Variants in EYS observed in about 807,000 individuals in gnomAD.
EYS encodes EGF-like photoreceptor maintenance factor, also known as protein eyes shut homolog.
A neutral mutation model predicts 282.1 loss-of-function variants in EYS; 250 were observed. The observed-to-expected ratio is 0.89, with a 90% CI of 0.80 to 0.98. The LOEUF is 0.98. Ranked by LOEUF, EYS falls within the 50% of genes least tolerant of loss-of-function variation. The probability of loss-of-function intolerance (pLI) is 0.00; values close to 1 mark genes in which losing one functional copy is unlikely to be tolerated. For missense variants in EYS, 4,016 were observed against 3,709.0 expected (o/e 1.08, Z -2.15); for synonymous variants, 1,355 against 1,282.9 (o/e 1.06, Z -1.20).
At chr6:64,061,889 C>T (rs1369085088) in intron 33 of EYS, among the ~76,000 whole-genome samples, 1 of 151,272 alleles carries the variant, frequency 6.6e-6, no homozygotes, top group Non-Finnish European at 1.5e-5. Flanking sequence ...ATTTGGGTGG[C>T]TGAGGCAGGA....
At chr6:65,408,620 T>C (rs1766854301) in intron 5 of EYS, among the ~76,000 whole-genome samples, 1 of 152,142 alleles carries the variant, frequency 6.6e-6, no homozygotes, top group South Asian at 2.1e-4. Flanking sequence ...TTGTATTTTT[T>C]CCTTGTTCAT....
chr6:64,960,885 T>C lies in EYS; in HGVS notation c.2260-14971A>G, dbSNP rs887623619. Among the ~76,000 whole-genome samples the C allele has an allele frequency of 6.2e-4, 94 of 152,250 alleles. 1 individual carries two copies. Among genetic ancestry groups the C allele is most frequent in the African/African-American group, 2.1e-3 (88 of 41,562 alleles). On this transcript the variant is annotated intron_variant, in intron 14 of 42. Transcript: ENST00000503581. ...ATGTGGTCTCATCATTTAGCTCCCA[T>C]TGACACATGAGAACATACAGTATTT...
chr6:64,688,737 G>A (rs1562135466), intron 22 of EYS, among the ~76,000 whole-genome samples: 1 of 152,108 alleles, frequency 6.6e-6, no homozygotes, highest in Non-Finnish European at 1.5e-5. Flanking sequence ...ATGTCTATTA[G>A]GTCCGCTTGG....
At chr6:65,177,751 G>C (rs540669172) in intron 12 of EYS, among the ~76,000 whole-genome samples, 2 of 151,666 alleles carry the variant, frequency 1.3e-5, no homozygotes, top group South Asian at 4.2e-4. Context: ...ATAGATCACT[G>C]TCTTTTTTTG....
intron 30 of EYS, 45 bp from the exon 31 acceptor site, chr6:64,230,869 A>T: frequency 8.7e-7 from 1 of 1,149,724 alleles, no homozygotes; most frequent in South Asian, 1.5e-5. Flanking sequence ...AAGTAAAAGC[A>T]CTAGGAACAT....
chr6:64,153,487 A>G (rs990216218), intron 31 of EYS, among the ~76,000 whole-genome samples: 4 of 152,220 alleles, frequency 2.6e-5, no homozygotes, highest in Non-Finnish European at 5.9e-5. Context: ...TATAACTATA[A>G]AATGTAGAAT....
At chr6:64,611,935 T>G (rs771677474) in intron 24 of EYS, among the ~76,000 whole-genome samples, 19 of 152,128 alleles carry the variant, frequency 1.2e-4, no homozygotes, top group Non-Finnish European at 2.5e-4. Flanking sequence ...TATTAGGAGA[T>G]AATAAATATT....
chr6:63,818,989 T>C (rs577446541), intron 36 of EYS, among the ~76,000 whole-genome samples: 1 of 152,364 alleles, frequency 6.6e-6, no homozygotes, highest in South Asian at 2.1e-4. Context: ...GGATTTCTTC[T>C]CTTTTTCTTC....
chr6:64,163,800 T>C (rs1775183968), intron 31 of EYS, among the ~76,000 whole-genome samples: 1 of 152,094 alleles, frequency 6.6e-6, no homozygotes, highest in Non-Finnish European at 1.5e-5. Context: ...ATTTCTACTT[T>C]GGAATCCATT....
At chr6:64,618,833 G>GA (rs1460224421) in intron 23 of EYS, among the ~76,000 whole-genome samples, 1 of 151,970 alleles carries the variant, frequency 6.6e-6, no homozygotes, top group African/African-American at 2.4e-5. Context: ...AGGTGATATG[G>GA]AAAAAAACAT....
intron 36 of EYS, among the ~76,000 whole-genome samples, chr6:63,849,102 A>T (rs980019785): frequency 2.0e-5 from 3 of 152,146 alleles, no homozygotes; most frequent in African/African-American, 7.2e-5. Context: ...CCACCACAGC[A>T]CCACAAAGCC....
intron 12 of EYS, among the ~76,000 whole-genome samples, chr6:65,069,054 C>G (rs567465563): frequency 6.6e-6 from 1 of 152,074 alleles, no homozygotes; most frequent in South Asian, 2.1e-4. Context: ...CATGTTTACA[C>G]ACATTTTCTC....
rs56705165 is a variant in EYS, at chr6:64,755,497, T to TACACAC, written c.3443+57875_3443+57880dup. Among the ~76,000 whole-genome samples the TACACAC allele has an allele frequency of 1.7e-3, 240 of 139,004 alleles. 1 individual carries two copies. Among genetic ancestry groups the TACACAC allele is most frequent in the African/African-American group, 5.6e-3 (210 of 37,428 alleles). The allele number at this position is 139,004 out of a possible 152,430, so 91.2% of individuals were successfully genotyped here. ...AAATAAGAAATCTTGAGAACATACA[T>TACACAC]ACACACACACACACACACACACACA... On this transcript the variant is annotated intron_variant, in intron 22 of 42. Transcript: ENST00000503581.
intron 14 of EYS, among the ~76,000 whole-genome samples, chr6:64,959,073 G>T (rs542862033): frequency 6.6e-6 from 1 of 152,266 alleles, no homozygotes; most frequent in East Asian, 1.9e-4. Context: ...GAAACCAGTA[G>T]GGGTAAGATG....
chr6:65,002,697 T>C (rs899622111), intron 13 of EYS, among the ~76,000 whole-genome samples: 1 of 147,810 alleles, frequency 6.8e-6, no homozygotes, highest in Non-Finnish European at 1.5e-5. Flanking sequence ...TATTCATATA[T>C]TGAGGTGTTG....
intron 19 of EYS, among the ~76,000 whole-genome samples, chr6:64,836,067 T>A (rs535339130): frequency 1.3e-5 from 2 of 149,242 alleles, no homozygotes; most frequent in South Asian, 4.1e-4. Context: ...CGCTCAAATC[T>A]CATAATCGTA....
intron 2 of EYS, among the ~76,000 whole-genome samples, chr6:65,583,254 T>C (rs895382215): frequency 3.9e-5 from 6 of 152,056 alleles, no homozygotes; most frequent in Non-Finnish European, 5.9e-5. Context: ...ATTTTAATAT[T>C]GTTTTCTCTT....
At chr6:64,861,484 G>A (rs996093031) in intron 19 of EYS, among the ~76,000 whole-genome samples, 7 of 152,114 alleles carry the variant, frequency 4.6e-5, no homozygotes, top group Non-Finnish European at 4.4e-5. Context: ...GGCTGCAGGT[G>A]TACCTGGGAA....
chr6:63,751,765 A>G (rs978356936), intron 41 of EYS, among the ~76,000 whole-genome samples: 2 of 152,182 alleles, frequency 1.3e-5, no homozygotes, highest in African/African-American at 2.4e-5. Context: ...AGGAATGGTT[A>G]AGTATCAATT....
Sources: allele counts gnomAD v4.1 joint callset (sites outside exome capture counted in the v4.1 genomes callset), GRCh38; gene constraint gnomAD v4.1.1; transcripts MANE v1.5; gene names NCBI Gene and HGNC (gene_info 2026-07-23, HGNC 2026-07-21).